The following PDE11A variants were observed in gnomAD, a reference collection of about 807,000 sequenced individuals.
PDE11A encodes phosphodiesterase 11A.
A neutral mutation model predicts 100.5 loss-of-function variants in PDE11A; 100 were observed. The ratio of observed to expected loss-of-function variants is 1.00; its 90% CI spans 0.85 to 1.18. The LOEUF (loss-of-function observed/expected upper bound fraction) is 1.18. Among genes scored for constraint, PDE11A ranks in the 50% most tolerant of loss-of-function variants. The probability of loss-of-function intolerance (pLI) is 0.00; values close to 1 mark genes in which losing one functional copy is unlikely to be tolerated. For missense variants in PDE11A, 1,141 were observed against 1,152.6 expected (o/e 0.99, Z 0.15); for synonymous variants, 381 against 420.8 (o/e 0.91, Z 1.16).
chr2:177,942,648 C>T (rs1226058735), intron 2 of PDE11A, among the ~76,000 whole-genome samples: 1 of 152,016 alleles, frequency 6.6e-6, no homozygotes, highest in African/African-American at 2.4e-5. Context: ...GTGATCCACC[C>T]GCCTCGGCCT....
At chr2:178,018,585 G>C in intron 1 of PDE11A, 1 of 324,308 alleles carries the variant, frequency 3.1e-6, no homozygotes, top group South Asian at 2.9e-5. Context: ...TAAGTTCATT[G>C]TTGAGACAAA....
At chr2:178,030,768 C>G (rs768540387) in intron 1 of PDE11A, among the ~76,000 whole-genome samples, 4 of 152,138 alleles carry the variant, frequency 2.6e-5, no homozygotes, top group Admixed American at 6.6e-5. Context: ...GTCCCAGCTA[C>G]TTGGGAGGCT....
At chr2:177,912,388 A>T (rs967537940) in intron 2 of PDE11A, among the ~76,000 whole-genome samples, 1 of 152,176 alleles carries the variant, frequency 6.6e-6, no homozygotes, top group African/African-American at 2.4e-5. Flanking sequence ...AGGGGCAGAG[A>T]TGCTGAATTC....
chr2:177,893,485 G>A (rs758713707), intron 4 of PDE11A, among the ~76,000 whole-genome samples: 2 of 152,094 alleles, frequency 1.3e-5, no homozygotes. Flanking sequence ...AACCCATTTA[G>A]CTGTTCCTGT....
At chr2:177,820,164 A>T in intron 7 of PDE11A, 56 bp downstream of exon 7, 1 of 944,234 alleles carries the variant, frequency 1.1e-6, no homozygotes, top group Non-Finnish European at 1.7e-6. Flanking sequence ...GGAATATTTT[A>T]AAGCAAACTT....
At chr2:177,657,635 G>C (rs1257756171) in intron 19 of PDE11A, among the ~76,000 whole-genome samples, 1 of 151,830 alleles carries the variant, frequency 6.6e-6, no homozygotes, top group Non-Finnish European at 1.5e-5. Flanking sequence ...AGTGGGGAGA[G>C]GGGCAGGGAG....
At chr2:177,965,269 G>A (rs1476706788) in intron 2 of PDE11A, among the ~76,000 whole-genome samples, 3 of 152,116 alleles carry the variant, frequency 2.0e-5, no homozygotes, top group African/African-American at 4.8e-5. Flanking sequence ...CTGGATGTTA[G>A]GCCTTTGTCA....
At chr2:177,968,525 C>T (rs2085727558) in intron 2 of PDE11A, among the ~76,000 whole-genome samples, 1 of 152,156 alleles carries the variant, frequency 6.6e-6, no homozygotes, top group South Asian at 2.1e-4. Flanking sequence ...CAAAGAACTA[C>T]TACATACAAT....
At chr2:178,105,485 T>C (rs763268311) in intron 1 of PDE11A, among the ~76,000 whole-genome samples, 36 of 150,924 alleles carry the variant, frequency 2.4e-4, no homozygotes, top group Admixed American at 5.9e-4. Context: ...AACAAAAACC[T>C]TACTGTATGA....
intron 1 of PDE11A, chr2:178,105,659 T>C: frequency 3.0e-6 from 2 of 673,156 alleles, no homozygotes; most frequent in Non-Finnish European, 4.5e-6. Flanking sequence ...AGGTTCTCCA[T>C]GGTGGTACAG....
At chr2:178,070,723 C>T (rs1483770038) in intron 1 of PDE11A, among the ~76,000 whole-genome samples, 2 of 152,174 alleles carry the variant, frequency 1.3e-5, no homozygotes, top group East Asian at 3.8e-4. Flanking sequence ...TCCTTTTCCA[C>T]TTGAAACTAA....
intron 9 of PDE11A, among the ~76,000 whole-genome samples, chr2:177,783,134 A>T (rs1241327207): frequency 6.6e-6 from 1 of 152,144 alleles, no homozygotes; most frequent in East Asian, 1.9e-4. Context: ...AATGTATAAT[A>T]ACACAATTCT....
At position 177,813,155 on chromosome 2, in the gene PDE11A, C is replaced by T. The variant is rs2082976358; in HGVS notation, c.1737+3674G>A. On this transcript the variant is annotated intron_variant, in intron 9 of 19. Transcript: ENST00000286063. ...CCCTTTTAAACACCCTGCTCTGCCTCATCTTTCAGCGTGCACTGTCTCTGC... is the reference window on the plus strand; with the variant it reads ...CCCTTTTAAACACCCTGCTCTGCCTTATCTTTCAGCGTGCACTGTCTCTGC... Among the ~76,000 whole-genome samples, 4 of 141,228 alleles carry T rather than the reference C, an allele frequency of 2.8e-5. No individual in the cohort carries two copies. The South Asian group carries it at 8.9e-4, about 31-fold the overall frequency. 92.7% of individuals were successfully genotyped at this position (141,228 alleles called of 152,430 possible).
chr2:178,066,532 C>T (rs1227286274), intron 1 of PDE11A, among the ~76,000 whole-genome samples: 7 of 152,146 alleles, frequency 4.6e-5, no homozygotes, highest in Non-Finnish European at 7.4e-5. Context: ...ACCTGATCCC[C>T]GCTCCATGGT....
intron 18 of PDE11A, among the ~76,000 whole-genome samples, chr2:177,667,743 A>T (rs2080611322): frequency 6.6e-6 from 1 of 152,148 alleles, no homozygotes; most frequent in South Asian, 2.1e-4. Context: ...TGTCTTACTC[A>T]TTGCTGGAAA....
At position 177,962,204 on chromosome 2, in the gene PDE11A, T is replaced by C. The variant is rs144440958; in HGVS notation, c.1071+52098A>G. On this transcript the variant is annotated intron_variant, in intron 2 of 19. Coordinates refer to ENST00000286063, the MANE Select transcript of PDE11A (RefSeq NM_016953.4). ...TCATGTAAGTTATTATGTGTGTATATCTATTTCCCTGAATATACCATAACT... is the reference window on the plus strand; with the variant it reads ...TCATGTAAGTTATTATGTGTGTATACCTATTTCCCTGAATATACCATAACT... Among the ~76,000 whole-genome samples the C allele has an allele frequency of 2.8e-4, 42 of 152,228 alleles. No homozygotes were observed. The East Asian group carries it at 6.9e-3, about 25-fold the overall frequency.
chr2:177,723,232 A>G (rs2081554617), intron 12 of PDE11A: 1 of 152,088 alleles, frequency 6.6e-6, no homozygotes, highest in Non-Finnish European at 1.5e-5. Flanking sequence ...CTCCCTAAAC[A>G]TCCCTTCTGC....
At chr2:178,079,539 T>C (rs1559065575) in intron 2 of PDE11A, among the ~76,000 whole-genome samples, 3 of 152,214 alleles carry the variant, frequency 2.0e-5, no homozygotes. Context: ...CAGTCTATCA[T>C]TGATAGGCAT....
At chr2:178,064,525 G>A (rs1381381690) in intron 1 of PDE11A, among the ~76,000 whole-genome samples, 1 of 152,152 alleles carries the variant, frequency 6.6e-6, no homozygotes, top group Non-Finnish European at 1.5e-5. Context: ...AGTTACCTCA[G>A]GGGATTGTTG....
Sources: allele counts gnomAD v4.1 joint callset (sites outside exome capture counted in the v4.1 genomes callset), GRCh38; gene constraint gnomAD v4.1.1; transcripts MANE v1.5; gene names NCBI Gene and HGNC (gene_info 2026-07-23, HGNC 2026-07-21).